KCTD16: variants seen among roughly 807,000 people sequenced by gnomAD.
The protein encoded by KCTD16 is BTB/POZ domain-containing protein KCTD16.
A neutral mutation model predicts 33.2 loss-of-function variants in KCTD16; 13 were observed. That is an observed-to-expected ratio of 0.39 (90% CI 0.25 to 0.62). KCTD16 has a LOEUF of 0.62. Among genes scored for constraint, KCTD16 ranks in the 20% least tolerant of loss-of-function variants. KCTD16 has a pLI of 0.50. For synonymous variants in KCTD16, 197 were observed against 195.3 expected, an observed-to-expected ratio of 1.01 and a Z score of -0.07; for missense variants, 441 against 525.1, an observed-to-expected ratio of 0.84 and a Z score of 1.57.
At chr5:144,442,145 T>C (rs1753725648) in intron 3 of KCTD16, among the ~76,000 whole-genome samples, 1 of 152,152 alleles carries the variant, frequency 6.6e-6, no homozygotes. Flanking sequence ...CTAGTAGTAT[T>C]GGTTTTTGTT....
rs542149118 is a variant in KCTD16 at position 144,383,023 on chromosome 5, G to A, written c.833-90637G>A. 2.6e-5 allele frequency: 4 copies of A among 152,260 alleles called. No individual in the cohort carries two copies. In the East Asian group the frequency reaches 7.7e-4, roughly 29 times the overall value. The allele number at this position is 152,260 out of a possible 1,614,324, so 9.4% of individuals were successfully genotyped here. On this transcript the variant is annotated intron_variant, in intron 3 of 3. Coordinates refer to ENST00000512467, the MANE Select transcript of KCTD16 (RefSeq NM_020768.4). ...AATCTGCTCTGGCAAAATAGTTTTG[G>A]CACTTAACTTCTACTCATTTCTTTC... is the stretch of plus-strand genomic sequence containing the variant.
intron 3 of KCTD16, among the ~76,000 whole-genome samples, chr5:144,342,302 G>A (rs1485331904): frequency 6.6e-6 from 1 of 152,176 alleles, no homozygotes; most frequent in Non-Finnish European, 1.5e-5. Flanking sequence ...TCCCTTGTAA[G>A]TTGGATTCCT....
rs549875905 is a variant in KCTD16, at chr5:144,226,525, C to T, written c.832+18979C>T. Among the ~76,000 whole-genome samples, 380 of 151,282 alleles carry T rather than the reference C, an allele frequency of 2.5e-3. 2 individuals are homozygous for T. The highest frequency in any genetic ancestry group is 0.011 in the Middle Eastern group (3 of 284). ...TCTTATTGTTTCTTCAGTTGTTCAC[C>T]GTAAAATTGAACCTGAAGTGATTCT... On this transcript the variant is annotated intron_variant, in intron 3 of 3. Coordinates refer to ENST00000512467, the MANE Select transcript of KCTD16 (RefSeq NM_020768.4).
chr5:144,199,130 A>T (rs1337511408), intron 2 of KCTD16, among the ~76,000 whole-genome samples: 6 of 152,226 alleles, frequency 3.9e-5, no homozygotes, highest in East Asian at 1.9e-4. Flanking sequence ...AAGATTTTTT[A>T]AAAAATAAAT....
intron 3 of KCTD16, among the ~76,000 whole-genome samples, chr5:144,448,747 A>G (rs767732270): frequency 2.1e-4 from 32 of 152,064 alleles, no homozygotes; most frequent in South Asian, 6.2e-4. Context: ...ACTTGTCTCC[A>G]TATTCTCTTA....
chr5:144,347,614 A>G (rs1752838945), intron 3 of KCTD16, among the ~76,000 whole-genome samples: 1 of 152,142 alleles, frequency 6.6e-6, no homozygotes, highest in Non-Finnish European at 1.5e-5. Flanking sequence ...GAGGGGTGTC[A>G]GGACAGCCTC....
intron 3 of KCTD16, among the ~76,000 whole-genome samples, chr5:144,325,188 A>G (rs1380278934): frequency 6.6e-6 from 1 of 152,192 alleles, no homozygotes; most frequent in African/African-American, 2.4e-5. Context: ...AATGATGGCT[A>G]TTATAATAGA....
intron 3 of KCTD16, among the ~76,000 whole-genome samples, chr5:144,417,561 GTCATT>G (rs1248807090): frequency 1.3e-5 from 2 of 152,056 alleles, no homozygotes; most frequent in Admixed American, 6.6e-5. Flanking sequence ...TCTGTAAATT[GTCATT>G]TCATTTTTTG....
intron 3 of KCTD16, among the ~76,000 whole-genome samples, chr5:144,257,608 C>T (rs1754887224): frequency 1.3e-5 from 2 of 152,034 alleles, no homozygotes; most frequent in African/African-American, 4.8e-5. Context: ...CCTGCCTCAG[C>T]CTCCCGAGTA....
intron 3 of KCTD16, among the ~76,000 whole-genome samples, chr5:144,417,215 T>G (rs938056776): frequency 3.3e-5 from 5 of 152,186 alleles, no homozygotes; most frequent in African/African-American, 9.6e-5. Flanking sequence ...GGGCTAAATA[T>G]TTCTATTTCT....
At position 144,280,961 on chromosome 5, in the gene KCTD16, A is replaced by C. The variant is rs1003979238; in HGVS notation, c.832+73415A>C. ...TCCCAGCTACTCGGGAGGCTGAGGC[A>C]GGAGAATGGCGTGAACCCGACAGGC... is the stretch of plus-strand genomic sequence containing the variant. On this transcript the variant is annotated intron_variant, in intron 3 of 3. Transcript: ENST00000512467. Among the ~76,000 whole-genome samples, 3 of 148,526 alleles carry C rather than the reference A, an allele frequency of 2.0e-5. No homozygotes were observed. The East Asian group carries it at 5.9e-4, about 29-fold the overall frequency.
chr5:144,470,199 T>C (rs1430121616), intron 3 of KCTD16, among the ~76,000 whole-genome samples: 1 of 152,162 alleles, frequency 6.6e-6, no homozygotes, highest in Non-Finnish European at 1.5e-5. Context: ...AGAACTGACC[T>C]TTCATAGATC....
At chr5:144,275,864 C>T (rs995051977) in intron 3 of KCTD16, among the ~76,000 whole-genome samples, 7 of 152,092 alleles carry the variant, frequency 4.6e-5, no homozygotes, top group African/African-American at 1.7e-4. Context: ...ATCCCTAAAA[C>T]GTGGCTCCCA....
chr5:144,305,135 A>G (rs896627878), intron 3 of KCTD16, among the ~76,000 whole-genome samples: 1 of 151,888 alleles, frequency 6.6e-6, no homozygotes, highest in Non-Finnish European at 1.5e-5. Flanking sequence ...TAAGGTTAAG[A>G]CCCTCTCTTA....
At chr5:144,422,843 T>A (rs1048349792) in intron 3 of KCTD16, among the ~76,000 whole-genome samples, 2 of 152,110 alleles carry the variant, frequency 1.3e-5, no homozygotes. Context: ...CAAAAATGAA[T>A]ATATACCCCA....
Position 144,299,134 on chromosome 5 carries a change from ATATATATATATATATT to A in KCTD16, c.832+91590_832+91605del, listed in dbSNP as rs1246577382. 1.1e-3 allele frequency among the ~76,000 whole-genome samples: 33 copies of A among 29,754 alleles called. 2 individuals are homozygous for A. The highest frequency in any genetic ancestry group is 3.3e-3 in the South Asian group (3 of 898). The allele number at this position is 29,754 out of a possible 152,430, so 19.5% of individuals were successfully genotyped here. On this transcript the variant is annotated intron_variant, in intron 3 of 3. Transcript: ENST00000512467. Reference sequence around the variant, plus strand: ...TATATATATATATATATATATATATATATATATATATATATTTTTTTTTTTTTTTTTAACCTGTCAC... The same window carrying A: ...TATATATATATATATATATATATATATTTTTTTTTTTTTTTAACCTGTCAC...
chr5:144,334,594 T>C (rs1752434970), intron 3 of KCTD16, among the ~76,000 whole-genome samples: 1 of 152,188 alleles, frequency 6.6e-6, no homozygotes, highest in Non-Finnish European at 1.5e-5. Flanking sequence ...TGTTATGCAC[T>C]TTGTCTCCAC....
chr5:144,401,424 A>G (rs1333313261), intron 3 of KCTD16, among the ~76,000 whole-genome samples: 3 of 152,198 alleles, frequency 2.0e-5, no homozygotes, highest in Non-Finnish European at 2.9e-5. Context: ...CAGAGCATAC[A>G]TGCACACACA....
At chr5:144,356,928 A>C (rs1751583911) in intron 3 of KCTD16, among the ~76,000 whole-genome samples, 1 of 151,794 alleles carries the variant, frequency 6.6e-6, no homozygotes, top group Non-Finnish European at 1.5e-5. Flanking sequence ...CATTTCTTGT[A>C]TATTAAATAA....
Sources: allele counts gnomAD v4.1 joint callset (sites outside exome capture counted in the v4.1 genomes callset), GRCh38; gene constraint gnomAD v4.1.1; transcripts MANE v1.5; gene names NCBI Gene and HGNC (gene_info 2026-07-23, HGNC 2026-07-21).